The following AFF1 variants were observed in gnomAD, a reference collection of about 807,000 sequenced individuals.
AFF1 encodes the protein AF4/FMR2 family member 1.
Under a neutral mutation model 121.7 loss-of-function variants are expected in AFF1, and 48 were observed. The observed-to-expected ratio is 0.39, with a 90% CI of 0.31 to 0.50. The LOEUF (loss-of-function observed/expected upper bound fraction) is 0.50, where lower values mean the gene tolerates loss of function less well. Among genes scored for constraint, AFF1 ranks in the 20% least tolerant of loss-of-function variants. The probability of loss-of-function intolerance (pLI) is 0.76; values close to 1 mark genes in which losing one functional copy is unlikely to be tolerated. For synonymous variants in AFF1, 613 were observed against 563.0 expected, an observed-to-expected ratio of 1.09 and a Z score of -1.26; for missense variants, 1,523 against 1,511.7, an observed-to-expected ratio of 1.01 and a Z score of -0.12.
In AFF1 at chr4:87,018,065, C is replaced by T. The variant is rs148488164; in HGVS notation, c.39-28101C>T. ...TGTGGCAAGTTACTGAAATCTGCTG[C>T]TCTGCATATTAATTTACCTGCGTAA... On this transcript the variant is annotated intron_variant, in intron 2 of 20. Coordinates refer to ENST00000395146, the MANE Select transcript of AFF1 (RefSeq NM_001166693.3). Among the ~76,000 whole-genome samples the T allele has an allele frequency of 2.4e-4, 37 of 152,320 alleles. No individual in the cohort carries two copies. The Middle Eastern group carries it at 0.01, about 42-fold the overall frequency.
intron 4 of AFF1, among the ~76,000 whole-genome samples, chr4:87,063,057 G>A (rs1051590504): frequency 1.3e-5 from 2 of 152,040 alleles, no homozygotes; most frequent in East Asian, 1.9e-4. Flanking sequence ...CTGTAAAATA[G>A]CAATGGTAGA....
chr4:86,999,072 G>T (rs1014773004), intron 2 of AFF1, among the ~76,000 whole-genome samples: 3 of 152,112 alleles, frequency 2.0e-5, no homozygotes, highest in African/African-American at 7.2e-5. Context: ...TCTCTTCCCT[G>T]TTTCCCTTTC....
chr4:87,126,087 G>GTT lies in AFF1; in HGVS notation c.2574-10_2574-9dup, dbSNP rs1560655089. ...TTGCCTCCTCTTAGTTTTACGTGAT[G>GTT]TTTCACTCCAGGCCCTCCAGGCCCT... On this transcript the variant is annotated splice_polypyrimidine_tract_variant and intron_variant, in intron 13 of 20. Transcript: ENST00000395146. The GTT allele has an allele frequency of 6.2e-7, 1 of 1,612,984 alleles. No homozygotes were observed. The highest frequency in any genetic ancestry group is 8.5e-7 in the Non-Finnish European group (1 of 1,179,042).
At position 87,135,827 on chromosome 4, in the gene AFF1, G is replaced by C; in HGVS notation, c.*126G>C. 7.4e-7 allele frequency: 1 copy of C among 1,344,182 alleles called. No individual in the cohort carries two copies. Among genetic ancestry groups the C allele is most frequent in the Non-Finnish European group, 9.8e-7 (1 of 1,018,448 alleles). The allele number at this position is 1,344,182 out of a possible 1,614,324, so 83.3% of individuals were successfully genotyped here. The stretch of plus-strand genomic sequence containing the variant: ...AAAAGAAGCACCACGAGATGGCCAG[G>C]ACATTTGTCCACTTAAACTCTCAAC... On this transcript the variant is annotated 3_prime_UTR_variant, in exon 21 of 21. Transcript: ENST00000395146.
At chr4:87,090,799 A>T (rs896727495) in intron 6 of AFF1, among the ~76,000 whole-genome samples, 1 of 151,302 alleles carries the variant, frequency 6.6e-6, no homozygotes, top group African/African-American at 2.4e-5. Context: ...GGATCACTTG[A>T]GTCCAGGAGT....
chr4:87,043,126 CATTT>C (rs1416974848), intron 2 of AFF1, among the ~76,000 whole-genome samples: 1 of 152,178 alleles, frequency 6.6e-6, no homozygotes, highest in East Asian at 1.9e-4. Flanking sequence ...ACAAAGGTAG[CATTT>C]ATTTAGAAGG....
chr4:86,938,859 C>T (rs1328467481), intron 1 of AFF1, among the ~76,000 whole-genome samples: 4 of 152,198 alleles, frequency 2.6e-5, no homozygotes, highest in African/African-American at 9.6e-5. Context: ...TAGGACAGAA[C>T]TTCAGTAGTA....
intron 2 of AFF1, among the ~76,000 whole-genome samples, chr4:86,965,763 T>C (rs1722493591): frequency 6.6e-6 from 1 of 152,142 alleles, no homozygotes; most frequent in Non-Finnish European, 1.5e-5. Context: ...CCCAAGGCCT[T>C]TCTCCCCCAT....
intron 5 of AFF1, among the ~76,000 whole-genome samples, chr4:87,085,197 G>A (rs1723597571): frequency 6.6e-6 from 1 of 152,166 alleles, no homozygotes; most frequent in Non-Finnish European, 1.5e-5. Flanking sequence ...GGGGAAAAAT[G>A]TTAACTTTCC....
At chr4:86,957,898 A>C (rs565463323) in intron 2 of AFF1, among the ~76,000 whole-genome samples, 37 of 151,910 alleles carry the variant, frequency 2.4e-4, no homozygotes, top group Admixed American at 1.0e-3. Flanking sequence ...ACAAACAACT[A>C]TCCTTTTTCC....
In AFF1 at chr4:87,138,737, A is replaced by G. The variant is rs973424018; in HGVS notation, c.*3036A>G. On this transcript the variant is annotated 3_prime_UTR_variant, in exon 21 of 21. Transcript: ENST00000395146. ...GGCCCAGCAAGCATTTATCAGAAATAGAATCACAATAGGAGGAGAATTTGA... is the reference window on the plus strand; with the variant it reads ...GGCCCAGCAAGCATTTATCAGAAATGGAATCACAATAGGAGGAGAATTTGA... The G allele has an allele frequency of 4.3e-6, 1 of 231,156 alleles. No homozygotes were observed. Among genetic ancestry groups the G allele is most frequent in the Non-Finnish European group, 8.6e-6 (1 of 116,716 alleles). 14.3% of individuals were successfully genotyped at this position (231,156 alleles called of 1,614,324 possible).
Position 87,046,832 on chromosome 4 carries a change from T to C in AFF1, c.297T>C (p.Tyr99=), listed in dbSNP as rs2149614124. ...AAAATAGGTTGGGAAAGCCGAAATATCCTTTAATTCCTGACAAAGGGAGCA... is the reference window on the plus strand; with the variant it reads ...AAAATAGGTTGGGAAAGCCGAAATACCCTTTAATTCCTGACAAAGGGAGCA... The part of the protein sequence containing the change: ...ASENRLGKPK[Y]PLIPDKGSSI... Residue 99 remains tyrosine, a synonymous_variant, in exon 4 of 21, where the codon TAT becomes TAC. Coordinates refer to ENST00000395146, the MANE Select transcript of AFF1 (RefSeq NM_001166693.3). 2 of 1,614,200 alleles carry C rather than the reference T, an allele frequency of 1.2e-6. No individual in the cohort carries two copies. The highest frequency in any genetic ancestry group is 1.7e-6 in the Non-Finnish European group (2 of 1,180,036).
At chr4:86,951,522 G>A (rs960421280) in intron 2 of AFF1, among the ~76,000 whole-genome samples, 2 of 151,382 alleles carry the variant, frequency 1.3e-5, no homozygotes, top group Non-Finnish European at 2.9e-5. Flanking sequence ...TGATCCACAT[G>A]TAGTTAACTT....
rs1056889269 is a variant in AFF1 at position 87,047,621 on chromosome 4, A to C, written c.1059+27A>C. 4 of 1,613,552 alleles carry C rather than the reference A, an allele frequency of 2.5e-6. No individual in the cohort carries two copies. In the African/African-American group the frequency reaches 5.3e-5, roughly 22 times the overall value. ...TGTGTGGAATTTCTTATCTTGGGGAATTCCAATTCGAAGACGGATTTGAGA... is the reference window on the plus strand; with the variant it reads ...TGTGTGGAATTTCTTATCTTGGGGACTTCCAATTCGAAGACGGATTTGAGA... On this transcript the variant is annotated intron_variant, in intron 4 of 20. Transcript: ENST00000395146.
rs146563422 is a variant in AFF1 at position 87,093,450 on chromosome 4, C to A, written c.1229-1465C>A. ...TTAAAGTATGCCCAGCAAGTCAACTCTGATTTCTTCAACACTTGATCTTAT... is the reference window on the plus strand; with the variant it reads ...TTAAAGTATGCCCAGCAAGTCAACTATGATTTCTTCAACACTTGATCTTAT... On this transcript the variant is annotated intron_variant, in intron 7 of 20. Coordinates refer to ENST00000395146, the MANE Select transcript of AFF1 (RefSeq NM_001166693.3). 3.7e-3 allele frequency among the ~76,000 whole-genome samples: 556 copies of A among 152,296 alleles called. 6 individuals carry two copies. Among genetic ancestry groups the A allele is most frequent in the African/African-American group, 0.012 (501 of 41,560 alleles).
At chr4:87,116,152 T>C (rs187097815) in intron 12 of AFF1, among the ~76,000 whole-genome samples, 4 of 152,320 alleles carry the variant, frequency 2.6e-5, no homozygotes, top group South Asian at 2.1e-4. Flanking sequence ...TAGTGTCTCA[T>C]TGAGTAATAT....
chr4:86,985,342 C>T (rs1384900796), intron 2 of AFF1, among the ~76,000 whole-genome samples: 3 of 150,806 alleles, frequency 2.0e-5, no homozygotes, highest in African/African-American at 7.3e-5. Flanking sequence ...AAAACCCTGT[C>T]TCTACTAAAA....
intron 2 of AFF1, among the ~76,000 whole-genome samples, chr4:87,028,599 G>C (rs906190651): frequency 6.6e-6 from 1 of 152,162 alleles, no homozygotes; most frequent in South Asian, 2.1e-4. Flanking sequence ...AATTCCTTGA[G>C]GTCTCAGACC....
intron 2 of AFF1, among the ~76,000 whole-genome samples, chr4:86,992,287 T>C (rs1214809476): frequency 1.3e-5 from 2 of 152,136 alleles, no homozygotes; most frequent in Admixed American, 6.5e-5. Flanking sequence ...GATGGTGACA[T>C]TGTACTTGGC....
Sources: gnomAD v4.1 joint callset for allele counts (sites outside exome capture counted in the v4.1 genomes callset) on GRCh38, gnomAD v4.1.1 for gene constraint, MANE v1.5 for transcripts, NCBI Gene and HGNC (gene_info 2026-07-23, HGNC 2026-07-21) for gene names.